NOC4L: variants seen among roughly 807,000 people sequenced by gnomAD.
NOC4L encodes nucleolar complex protein 4 homolog.
NOC4L carries 40 observed loss-of-function variants against 62.8 expected under a neutral mutation model. The observed-to-expected ratio is 0.64, with a 90% CI of 0.49 to 0.83. NOC4L has a LOEUF of 0.83. Ranked by LOEUF, NOC4L falls within the 40% of genes least tolerant of loss-of-function variation. The pLI is 0.00. For synonymous variants in NOC4L, 433 were observed against 299.8 expected (o/e 1.44, Z -4.59); for missense variants, 927 against 701.9 (o/e 1.32, Z -3.62).
In NOC4L at chr12:132,151,825, G is replaced by A. The variant is rs1872979022; in HGVS notation, c.1317+5G>A. On this transcript the variant is annotated splice_donor_5th_base_variant and intron_variant, in intron 13 of 14. Transcript: ENST00000330579. ...AGCTCCCTGTGGGAGCTTCAGGTGA[G>A]GGCGCTGCTGCCACACCCTGGGGCC... 2 of 1,609,984 alleles carry A rather than the reference G, an allele frequency of 1.2e-6. No individual in the cohort carries two copies. The highest frequency in any genetic ancestry group is 1.3e-5 in the African/African-American group (1 of 74,878).
At chr12:132,152,252 C>A in intron 14 of NOC4L, 30 bp from the exon 15 acceptor site, 1 of 1,592,188 alleles carries the variant, frequency 6.3e-7, no homozygotes, top group Admixed American at 1.8e-5. Flanking sequence ...TGAGCCAAGC[C>A]TGAGAGCCGC....
At position 132,148,590 on chromosome 12, in the gene NOC4L, A is replaced by T. The variant is rs1171160034; in HGVS notation, c.739-19A>T. The T allele has an allele frequency of 3.3e-6, 5 of 1,533,318 alleles. No individual in the cohort carries two copies. The highest frequency in any genetic ancestry group is 4.4e-6 in the Non-Finnish European group (5 of 1,136,598). The allele number at this position is 1,533,318 out of a possible 1,614,324, so 95.0% of individuals were successfully genotyped here. On this transcript the variant is annotated intron_variant, in intron 7 of 14. Transcript: ENST00000330579. ...CTGGGGTGGGGAGGGCGGCGAGTGCAGTCTGGACCCCGTTGCAGGAGCACA... is the reference window on the plus strand; with the variant it reads ...CTGGGGTGGGGAGGGCGGCGAGTGCTGTCTGGACCCCGTTGCAGGAGCACA...
Position 132,148,522 on chromosome 12 carries a change from A to C in NOC4L, c.739-87A>C, listed in dbSNP as rs1897811795. 44 of 1,433,564 alleles carry C rather than the reference A, an allele frequency of 3.1e-5. No individual in the cohort carries two copies. The South Asian group carries it at 4.9e-4, about 16-fold the overall frequency. 88.8% of individuals were successfully genotyped at this position (1,433,564 alleles called of 1,614,324 possible). On this transcript the variant is annotated intron_variant, in intron 7 of 14. Transcript: ENST00000330579. Reference sequence around the variant, plus strand: ...GTGGAGAGCAGGCTTGTGTTGGCTCAGGCTGGGCTTCGGGGTGCCCTGGCA... The same window carrying C: ...GTGGAGAGCAGGCTTGTGTTGGCTCCGGCTGGGCTTCGGGGTGCCCTGGCA...
Position 132,148,623 on chromosome 12 carries a change from T to G in NOC4L, c.753T>G (p.Val251=), listed in dbSNP as rs1487917022. Residue 251 remains valine (V), a synonymous_variant, in exon 8 of 15, where the codon GTT becomes GTG. Coordinates refer to ENST00000330579, the MANE Select transcript of NOC4L (RefSeq NM_024078.3). ...KVAHLKEHRR[V]FQAMWLSFLK... Reference sequence around the variant, plus strand: ...CCCCGTTGCAGGAGCACAGGAGGGTTTTCCAGGCCATGTGGCTCAGCTTCC... The same window carrying G: ...CCCCGTTGCAGGAGCACAGGAGGGTGTTCCAGGCCATGTGGCTCAGCTTCC... 1 of 1,549,128 alleles carries G rather than the reference T, an allele frequency of 6.5e-7. No individual in the cohort carries two copies. Among genetic ancestry groups the G allele is most frequent in the Non-Finnish European group, 8.7e-7 (1 of 1,146,200 alleles).
In NOC4L at chr12:132,147,913, C is replaced by T. The variant is rs755214754; in HGVS notation, c.637C>T (p.Leu213=). Residue 213 remains leucine (L), a synonymous_variant, in exon 6 of 15, where the codon CTG becomes TTG. Transcript: ENST00000330579. ...CGCCTTTTGGAACAATGCCTTCACGCTGCTGTCTGCCGTGAGCCTGCCCCG... is the reference window on the plus strand; with the variant it reads ...CGCCTTTTGGAACAATGCCTTCACGTTGCTGTCTGCCGTGAGCCTGCCCCG... The part of the protein sequence containing the change: ...PPAFWNNAFT[L]LSAVSLPRRE... 1.2e-5 allele frequency: 20 copies of T among 1,604,684 alleles called. No homozygotes were observed. In the African/African-American group the frequency reaches 2.7e-4, roughly 21 times the overall value.
rs751841077 is a variant in NOC4L, at chr12:132,144,508, C to T, written c.20C>T (p.Ala7Val). MEREPGAAGVRRALGRR... is the reference protein window; with the variant it reads MEREPGVAGVRRALGRR... ...GGCGGCATGGAGCGGGAGCCGGGCG[C>T]CGCGGGAGTTCGCCGGGCTCTGGGC... Residue 7 changes from alanine (A) to valine (V), a missense_variant, in exon 1 of 15, where the codon GCC (alanine) becomes GTC (valine). Coordinates refer to ENST00000330579, the MANE Select transcript of NOC4L (RefSeq NM_024078.3). The T allele has an allele frequency of 3.3e-6, 5 of 1,520,880 alleles. No individual in the cohort carries two copies. Among genetic ancestry groups the T allele is most frequent in the East Asian group, 5.2e-5 (2 of 38,206 alleles). 94.2% of individuals were successfully genotyped at this position (1,520,880 alleles called of 1,614,324 possible). A position where few individuals can be genotyped will look rare whatever the true frequency, so the allele number is the denominator to read the frequency against.
intron 3 of NOC4L, 56 bp downstream of exon 3, chr12:132,145,721 T>C (rs1490257490): frequency 7.9e-7 from 1 of 1,271,064 alleles, no homozygotes; most frequent in Non-Finnish European, 1.1e-6. Flanking sequence ...AACTCCCAGG[T>C]TATCCACAAA....
In NOC4L at chr12:132,152,102, C is replaced by T; in HGVS notation, c.1336C>T (p.His446Tyr). ...WELQALQRHY[H>Y]PEVSKAASVI... ...GCCCCAGGCCCTCCAGCGCCACTAC[C>T]ACCCTGAGGTGTCCAAAGCCGCCAG... Residue 446 changes from histidine to tyrosine, a missense_variant, in exon 14 of 15, where the codon CAC (histidine) becomes TAC (tyrosine). His to Tyr is a moderately conservative substitution (Grantham distance 83). Coordinates refer to ENST00000330579, the MANE Select transcript of NOC4L (RefSeq NM_024078.3). The T allele has an allele frequency of 1.2e-6, 2 of 1,612,044 alleles. No homozygotes were observed. Among genetic ancestry groups the T allele is most frequent in the South Asian group, 1.1e-5 (1 of 91,070 alleles).
At chr12:132,146,051 T>G (rs1897707256) in intron 3 of NOC4L, among the ~76,000 whole-genome samples, 1 of 152,230 alleles carries the variant, frequency 6.6e-6, no homozygotes. Context: ...CGTTTAAAGC[T>G]GAGAAGTTAG....
chr12:132,150,988 C>A lies in NOC4L; in HGVS notation c.909C>A (p.Ala303=), dbSNP rs757334686. 1 of 1,609,242 alleles carries A rather than the reference C, an allele frequency of 6.2e-7. No individual in the cohort carries two copies. The highest frequency in any genetic ancestry group is 2.2e-5 in the East Asian group (1 of 44,870). The change falls in exon 10 of 15, where the codon GCC becomes GCA. Residue 303 remains alanine (A), a synonymous_variant. Transcript: ENST00000330579. The stretch of plus-strand genomic sequence containing the variant: ...GTGTCTGTCTGTCTGCAGGGGGGGC[C>A]CTCAGCCTCTTGGCCTTGAACGGGC... ...FLTRACDLGG[A]LSLLALNGLF...
At chr12:132,146,654 A>T (rs1378141078) in intron 3 of NOC4L, among the ~76,000 whole-genome samples, 1 of 152,102 alleles carries the variant, frequency 6.6e-6, no homozygotes, top group Non-Finnish European at 1.5e-5. Context: ...GCAGACTTTT[A>T]AATGTTGGGG....
intron 4 of NOC4L, 25 bp from the exon 5 acceptor site, chr12:132,147,608 G>A: frequency 6.2e-7 from 1 of 1,610,936 alleles, no homozygotes; most frequent in Non-Finnish European, 8.5e-7. Flanking sequence ...GCCGGGCAGG[G>A]CTGCTCACTG....
chr12:132,146,619 G>A (rs1439650370), intron 3 of NOC4L, among the ~76,000 whole-genome samples: 2 of 152,136 alleles, frequency 1.3e-5, no homozygotes, highest in Admixed American at 6.5e-5. Context: ...TCGCCAACAC[G>A]TCTGTCTATA....
Position 132,147,646 on chromosome 12 carries a change from G to A in NOC4L, c.467G>A (p.Gly156Asp). 6.2e-7 allele frequency: 1 copy of A among 1,612,808 alleles called. No homozygotes were observed. The highest frequency in any genetic ancestry group is 2.2e-5 in the East Asian group (1 of 44,874). ...PRELFKLVVGGLLSPEEDQSL... is the reference protein window; with the variant it reads ...PRELFKLVVGDLLSPEEDQSL... ...CCTTGCCCCTAGTTGGTGGTGGGAG[G>A]CCTGCTGTCTCCTGAGGAGGACCAG... Residue 156 changes from glycine (G) to aspartate (D), a missense_variant, in exon 5 of 15, where the codon GGC (glycine) becomes GAC (aspartate). Gly to Asp is a moderately conservative substitution (Grantham distance 94). Transcript: ENST00000330579.
chr12:132,144,799 C>A, intron 1 of NOC4L, 55 bp from the exon 2 acceptor site: 1 of 1,568,710 alleles, frequency 6.4e-7, no homozygotes, highest in Non-Finnish European at 8.6e-7. Flanking sequence ...GCAGCCTAGG[C>A]AGGGGCGAAG....
At position 132,151,517 on chromosome 12, in the gene NOC4L, C is replaced by T. The variant is rs758003417; in HGVS notation, c.1107C>T (p.Ala369=). The change falls in exon 12 of 15, where the codon GCC becomes GCT. Residue 369 remains alanine (A), a synonymous_variant. Coordinates refer to ENST00000330579, the MANE Select transcript of NOC4L (RefSeq NM_024078.3). ...CCGCCTACCTGGTGGCCGCCTTCGC[C>T]AAGCGGCTGGCCCGCCTGGCCCTGA... ...HLPAYLVAAF[A]KRLARLALTA... 3.1e-6 allele frequency: 5 copies of T among 1,606,622 alleles called. No individual in the cohort carries two copies. In the Admixed American group the frequency reaches 5.0e-5, roughly 16 times the overall value.
At chr12:132,148,743 GCCCACCCGCCCCTCACC>G in intron 8 of NOC4L, 24 bp from the exon 9 acceptor site, 1 of 921,688 alleles carries the variant, frequency 1.1e-6, no homozygotes, top group African/African-American at 4.5e-5. Context: ...GCCGGCCCCC[GCCCACCCGCCCCTCACC>G]CCCACCTGCC....
chr12:132,151,332 G>A lies in NOC4L; in HGVS notation c.1037G>A (p.Arg346His), dbSNP rs202053580. Residue 346 changes from arginine to histidine, a missense_variant, in exon 11 of 15, where the codon CGC (arginine) becomes CAC (histidine). Transcript: ENST00000330579. ...GTCTTTCACGTCAAGTACCGCGCCC[G>A]CTTCTTCCACCTGGCTGACCTCTTC... ...PSVFHVKYRA[R>H]FFHLADLFLS... 496 of 1,611,324 alleles carry A rather than the reference G, an allele frequency of 3.1e-4. 1 individual carries two copies. Among genetic ancestry groups the A allele is most frequent in the African/African-American group, 3.7e-4 (28 of 75,050 alleles).
chr12:132,151,976 G>A, intron 13 of NOC4L, 108 bp from the exon 14 acceptor site: 1 of 1,268,572 alleles, frequency 7.9e-7, no homozygotes, highest in South Asian at 1.3e-5. Context: ...TTCTCACGTG[G>A]CTCCGTCCCG....
Sources: gnomAD v4.1 joint callset for allele counts (sites outside exome capture counted in the v4.1 genomes callset) on GRCh38, gnomAD v4.1.1 for gene constraint, MANE v1.5 for transcripts, NCBI Gene and HGNC (gene_info 2026-07-23, HGNC 2026-07-21) for gene names.